ZMIZ2: variants seen among roughly 807,000 people sequenced by gnomAD.
ZMIZ2 encodes the protein zinc finger MIZ domain-containing protein 2.
In ZMIZ2, 26 loss-of-function variants were observed where a neutral mutation model predicts 93.9. The observed-to-expected ratio is 0.28, with a 90% CI of 0.20 to 0.38. The LOEUF (loss-of-function observed/expected upper bound fraction) is 0.38, where lower values mean the gene tolerates loss of function less well. Among genes scored for constraint, ZMIZ2 ranks in the 10% least tolerant of loss-of-function variants. The pLI, the probability that ZMIZ2 is intolerant of heterozygous loss-of-function variation, is 1.00. For synonymous variants in ZMIZ2, 485 were observed against 516.4 expected, an observed-to-expected ratio of 0.94 and a Z score of 0.82; for missense variants, 1,023 against 1,235.0, an observed-to-expected ratio of 0.83 and a Z score of 2.57.
Position 44,766,750 on chromosome 7 carries a change from A to G in ZMIZ2, c.2655+87A>G. ...TTCCAGGTGCGTTCTGGAAGGGAAG[A>G]CAGTGACCCCTCAGAGAGCCGGTCA... On this transcript the variant is annotated intron_variant, in intron 18 of 18. Coordinates refer to ENST00000309315, the MANE Select transcript of ZMIZ2 (RefSeq NM_031449.4). The surrounding 1 kb of genome is among the most constrained non-coding windows in gnomAD (Gnocchi z 4.4). 1 of 1,561,556 alleles carries G rather than the reference A, an allele frequency of 6.4e-7. No individual in the cohort carries two copies. Among genetic ancestry groups the G allele is most frequent in the Non-Finnish European group, 8.7e-7 (1 of 1,151,554 alleles).
Position 44,759,304 on chromosome 7 carries a change from G to A in ZMIZ2, c.837G>A (p.Leu279=). 1 of 1,570,402 alleles carries A rather than the reference G, an allele frequency of 6.4e-7. No individual in the cohort carries two copies. The highest frequency in any genetic ancestry group is 8.6e-7 in the Non-Finnish European group (1 of 1,159,126). Residue 279 remains leucine, a synonymous_variant, in exon 7 of 19, where the codon CTG becomes CTA. Coordinates refer to ENST00000309315, the MANE Select transcript of ZMIZ2 (RefSeq NM_031449.4). ...YSEVYPGQQY[L]QGGQYAPSTA... is the part of the protein sequence containing the mutation. ...AGGTGTATCCAGGGCAGCAGTATCT[G>A]CAAGGAGGCCAGTATGCACCCAGCA...
In ZMIZ2 at chr7:44,767,530, G is replaced by A. The variant is rs1791843687; in HGVS notation, c.2670G>A (p.Leu890=). The part of the protein sequence containing the change: ...PEPALDLLPE[L]TNPDELLSYL... ...TTTGTCCTCAGCTGCTCCCGGAACT[G>A]ACCAACCCTGATGAGCTACTGTCCT... Residue 890 remains leucine (L), a synonymous_variant, in exon 19 of 19, where the codon CTG becomes CTA. Transcript: ENST00000309315. 1 of 1,614,104 alleles carries A rather than the reference G, an allele frequency of 6.2e-7. No individual in the cohort carries two copies. The highest frequency in any genetic ancestry group is 2.2e-5 in the East Asian group (1 of 44,878).
Position 44,761,969 on chromosome 7 carries a change from C to A in ZMIZ2, c.1596+64C>A. 7.6e-7 allele frequency: 1 copy of A among 1,322,596 alleles called. No individual in the cohort carries two copies. The highest frequency in any genetic ancestry group is 9.9e-7 in the Non-Finnish European group (1 of 1,013,482). 81.9% of individuals were successfully genotyped at this position (1,322,596 alleles called of 1,614,324 possible). On this transcript the variant is annotated intron_variant, in intron 11 of 18. Transcript: ENST00000309315. The surrounding 1 kb of genome is among the most constrained non-coding windows in gnomAD (Gnocchi z 5.8). ...GGGCGGGGTGTGGTGGGGCCTGGCCCAGCGGTGCCGTGGGGTGGGGCGGGG... is the reference window on the plus strand; with the variant it reads ...GGGCGGGGTGTGGTGGGGCCTGGCCAAGCGGTGCCGTGGGGTGGGGCGGGG...
Position 44,763,533 on chromosome 7 carries a change from AGGACAGGCCTCCCAC to A in ZMIZ2, c.1860+122_1860+136del. The A allele has an allele frequency of 7.1e-7, 1 of 1,402,116 alleles. No homozygotes were observed. The highest frequency in any genetic ancestry group is 9.6e-7 in the Non-Finnish European group (1 of 1,039,188). 86.9% of individuals were successfully genotyped at this position (1,402,116 alleles called of 1,614,324 possible). A position where few individuals can be genotyped will look rare whatever the true frequency, so the allele number is the denominator to read the frequency against. On this transcript the variant is annotated intron_variant, in intron 13 of 18. Transcript: ENST00000309315. This position sits in a 1 kb window ranked among gnomAD's most constrained non-coding sequence, Gnocchi z 5.6. Reference sequence around the variant, plus strand: ...CGAGTGCCTTGGCTGTCAGGCTGACAGGACAGGCCTCCCACGCCAAGGAGGCAGGTGGGCCTGGCT... The same window carrying A: ...CGAGTGCCTTGGCTGTCAGGCTGACAGCCAAGGAGGCAGGTGGGCCTGGCT...
At chr7:44,760,268 AG>A (rs747898657) in intron 8 of ZMIZ2, 40 bp downstream of exon 8, 86 of 1,594,920 alleles carry the variant, frequency 5.4e-5, no homozygotes, top group Admixed American at 5.2e-5. Context: ...GGAGGCTCAC[AG>A]GGTGGGCATA....
At position 44,760,263 on chromosome 7, in the gene ZMIZ2, C is replaced by G. The variant is rs376474750; in HGVS notation, c.1071+35C>G. ...CTGGCCGGGAGGATGGGCCGGGAGG[C>G]TCACAGGGTGGGCATATGGAGAGAG... On this transcript the variant is annotated intron_variant, in intron 8 of 18. Coordinates refer to ENST00000309315, the MANE Select transcript of ZMIZ2 (RefSeq NM_031449.4). 10 of 1,597,868 alleles carry G rather than the reference C, an allele frequency of 6.3e-6. No individual in the cohort carries two copies. The South Asian group carries it at 1.1e-4, about 18-fold the overall frequency.
chr7:44,766,707 C>G lies in ZMIZ2; in HGVS notation c.2655+44C>G, dbSNP rs1212917326. On this transcript the variant is annotated intron_variant, in intron 18 of 18. Transcript: ENST00000309315. This position sits in a 1 kb window ranked among gnomAD's most constrained non-coding sequence, Gnocchi z 4.4. ...GCGGGGGAGTGCGTGGGAGCCAGGG[C>G]TAGAGGTGGTGTGTCTGTTCCAGGT... 6.2e-7 allele frequency: 1 copy of G among 1,603,532 alleles called. No individual in the cohort carries two copies. Among genetic ancestry groups the G allele is most frequent in the Non-Finnish European group, 8.5e-7 (1 of 1,173,424 alleles).
At chr7:44,764,618 C>G in intron 14 of ZMIZ2, 132 bp downstream of exon 14, 1 of 1,026,018 alleles carries the variant, frequency 9.7e-7, no homozygotes, top group Non-Finnish European at 1.4e-6. Context: ...TGGGGTTGTG[C>G]AGCTCAGCGC....
intron 1 of ZMIZ2, among the ~76,000 whole-genome samples, chr7:44,750,633 C>T (rs898951447): frequency 7.2e-5 from 11 of 152,052 alleles, no homozygotes; most frequent in African/African-American, 2.7e-4. Context: ...AGGAGGTCAA[C>T]CAGGAGACTT....
chr7:44,757,601 C>G (rs761813387), intron 5 of ZMIZ2, 40 bp downstream of exon 5: 6 of 1,552,382 alleles, frequency 3.9e-6, no homozygotes, highest in Non-Finnish European at 5.2e-6. Flanking sequence ...GGCAGCCAGC[C>G]TGAGGGCCTG....
chr7:44,754,616 A>G (rs527635789), intron 1 of ZMIZ2, among the ~76,000 whole-genome samples: 1 of 152,004 alleles, frequency 6.6e-6, no homozygotes, highest in Non-Finnish European at 1.5e-5. Context: ...GGCTGTTCCT[A>G]CCTCCATTGG....
In ZMIZ2 at chr7:44,765,957, T is replaced by C; in HGVS notation, c.2243-207T>C. On this transcript the variant is annotated intron_variant, in intron 16 of 18. Transcript: ENST00000309315. This position sits in a 1 kb window ranked among gnomAD's most constrained non-coding sequence, Gnocchi z 4.1. ...CCCATTCCTATAACCTCCGAGACCT[T>C]CACTCCTAGGAATGTCCCAAGGCCA... 1 of 1,350,094 alleles carries C rather than the reference T, an allele frequency of 7.4e-7. No homozygotes were observed. The highest frequency in any genetic ancestry group is 9.5e-7 in the Non-Finnish European group (1 of 1,056,018). The allele number at this position is 1,350,094 out of a possible 1,614,324, so 83.6% of individuals were successfully genotyped here.
chr7:44,759,708 T>G, intron 7 of ZMIZ2: 1 of 453,826 alleles, frequency 2.2e-6, no homozygotes, highest in South Asian at 4.4e-5. Context: ...CTCTACAAGA[T>G]TCATATATCT....
chr7:44,754,703 A>G (rs1478285382), intron 1 of ZMIZ2, among the ~76,000 whole-genome samples: 1 of 152,110 alleles, frequency 6.6e-6, no homozygotes, highest in East Asian at 1.9e-4. Context: ...GGGAGAGGCC[A>G]TGTGAGTGCT....
chr7:44,755,090 T>C (rs1380327537), intron 1 of ZMIZ2, among the ~76,000 whole-genome samples: 1 of 152,090 alleles, frequency 6.6e-6, no homozygotes, highest in Non-Finnish European at 1.5e-5. Context: ...CCGTGGCTTA[T>C]TTACTAAATG....
chr7:44,752,288 C>T (rs997381990), intron 1 of ZMIZ2, among the ~76,000 whole-genome samples: 3 of 152,036 alleles, frequency 2.0e-5, no homozygotes, highest in Admixed American at 6.6e-5. Context: ...CCACTACGCC[C>T]GGTTAGTTTT....
At chr7:44,753,717 C>G (rs895948507) in intron 1 of ZMIZ2, among the ~76,000 whole-genome samples, 1 of 152,062 alleles carries the variant, frequency 6.6e-6, no homozygotes, top group Non-Finnish European at 1.5e-5. Context: ...ATGGATCATG[C>G]CTTTGGTATC....
chr7:44,763,190 C>T lies in ZMIZ2; in HGVS notation c.1703-66C>T. The T allele has an allele frequency of 6.3e-7, 1 of 1,580,276 alleles. No homozygotes were observed. The highest frequency in any genetic ancestry group is 2.2e-5 in the East Asian group (1 of 44,466). On this transcript the variant is annotated intron_variant, in intron 12 of 18. Transcript: ENST00000309315. The surrounding 1 kb of genome is among the most constrained non-coding windows in gnomAD (Gnocchi z 5.6). ...AGTGACTGGGTCCCTGCCTCGTTGG[C>T]ATCCCCATTCACACCTCCCCATCTT...
At position 44,764,606 on chromosome 7, in the gene ZMIZ2, A is replaced by G. The variant is rs780232216; in HGVS notation, c.1928+120A>G. Reference sequence around the variant, plus strand: ...CCTGCTGGGAGGAGTCACTGCATGGACTGGGGTTGTGCAGCTCAGCGCAGA... The same window carrying G: ...CCTGCTGGGAGGAGTCACTGCATGGGCTGGGGTTGTGCAGCTCAGCGCAGA... On this transcript the variant is annotated intron_variant, in intron 14 of 18. Coordinates refer to ENST00000309315, the MANE Select transcript of ZMIZ2 (RefSeq NM_031449.4). 1.1e-3 allele frequency: 1,314 copies of G among 1,173,504 alleles called. 2 individuals are homozygous for G. The highest frequency in any genetic ancestry group is 2.0e-3 in the Admixed American group (96 of 47,434). The allele number at this position is 1,173,504 out of a possible 1,614,324, so 72.7% of individuals were successfully genotyped here. A position where few individuals can be genotyped will look rare whatever the true frequency, so the allele number is the denominator to read the frequency against.
Sources: gnomAD v4.1 joint callset for allele counts (sites outside exome capture counted in the v4.1 genomes callset) on GRCh38, gnomAD v4.1.1 for gene constraint, Gnocchi (gnomAD v3.1) non-coding constraint, MANE v1.5 for transcripts, NCBI Gene and HGNC (gene_info 2026-07-23, HGNC 2026-07-21) for gene names.